Variants in PLS1 observed in about 807,000 individuals in gnomAD.
PLS1 encodes plastin 1.
Under a neutral mutation model 73.7 loss-of-function variants are expected in PLS1, and 32 were observed. That is an observed-to-expected ratio of 0.43 (90% CI 0.33 to 0.58). The LOEUF (loss-of-function observed/expected upper bound fraction) is 0.58, where lower values mean the gene tolerates loss of function less well. Among genes scored for constraint, PLS1 ranks in the 20% least tolerant of loss-of-function variants. The probability of loss-of-function intolerance (pLI) is 0.04; values close to 1 mark genes in which losing one functional copy is unlikely to be tolerated. For missense variants in PLS1, 633 were observed against 740.5 expected (o/e 0.85, Z 1.68); for synonymous variants, 217 against 261.3 (o/e 0.83, Z 1.63).
chr3:142,669,607 T>C, intron 3 of PLS1, 54 bp downstream of exon 3: 1 of 1,276,658 alleles, frequency 7.8e-7, no homozygotes, highest in Non-Finnish European at 1.1e-6. Flanking sequence ...AGCAGAATTG[T>C]AGTAATGTCA....
At chr3:142,685,041 A>G (rs60345271) in intron 8 of PLS1, among the ~76,000 whole-genome samples, 6,500 of 148,536 alleles carry the variant, frequency 0.044, 448 homozygotes, top group African/African-American at 0.15. Flanking sequence ...CCCCAAGAGT[A>G]ATCAGTGCTG....
intron 1 of PLS1, among the ~76,000 whole-genome samples, chr3:142,659,689 GTTGTT>G (rs2037323949): frequency 1.4e-5 from 2 of 142,494 alleles, no homozygotes; most frequent in African/African-American, 2.6e-5. Flanking sequence ...TTTTTTTGTT[GTTGTT>G]TTGTTTTGTT....
chr3:142,598,988 A>G (rs2035862510), intron 1 of PLS1, among the ~76,000 whole-genome samples: 1 of 151,780 alleles, frequency 6.6e-6, no homozygotes, highest in Non-Finnish European at 1.5e-5. Context: ...GCGACAGTGC[A>G]AGACTGCATC....
chr3:142,659,075 A>G (rs1170211808), intron 1 of PLS1, among the ~76,000 whole-genome samples: 2 of 152,242 alleles, frequency 1.3e-5, no homozygotes, highest in Non-Finnish European at 2.9e-5. Context: ...ATAAATGCGT[A>G]GTGAGCTCAT....
intron 10 of PLS1, among the ~76,000 whole-genome samples, chr3:142,692,458 G>A (rs1275258686): frequency 6.6e-6 from 1 of 152,042 alleles, no homozygotes; most frequent in Admixed American, 6.6e-5. Flanking sequence ...TCTTTGTAAT[G>A]CTTTACCATG....
chr3:142,612,225 A>G (rs557166783), intron 1 of PLS1, among the ~76,000 whole-genome samples: 24 of 152,304 alleles, frequency 1.6e-4, no homozygotes, highest in Non-Finnish European at 3.1e-4. Flanking sequence ...AAGATGATCA[A>G]CTCCAACTCT....
chr3:142,686,448 T>G lies in PLS1; in HGVS notation c.981+72T>G, dbSNP rs2037967909. On this transcript the variant is annotated intron_variant, in intron 9 of 15. Transcript: ENST00000457734. ...GTAGAAAATTTACCATTTTTATCAT[T>G]TTCAGTGTTCAGTTCAGTGGCATTC... The G allele has an allele frequency of 1.6e-5, 15 of 920,620 alleles. No individual in the cohort carries two copies. The Admixed American group carries it at 2.6e-4, about 16-fold the overall frequency. 57.0% of individuals were successfully genotyped at this position (920,620 alleles called of 1,614,324 possible).
chr3:142,679,473 GT>G (rs1485785412), intron 6 of PLS1, among the ~76,000 whole-genome samples: 1 of 151,968 alleles, frequency 6.6e-6, no homozygotes, highest in East Asian at 1.9e-4. Context: ...AAGGGATCCA[GT>G]TTCAGCTTTC....
At chr3:142,709,976 A>G (rs759799330) in intron 14 of PLS1, among the ~76,000 whole-genome samples, 7 of 152,112 alleles carry the variant, frequency 4.6e-5, no homozygotes, top group Non-Finnish European at 7.4e-5. Flanking sequence ...ATACCACCTC[A>G]GTATTCCTAA....
intron 1 of PLS1, among the ~76,000 whole-genome samples, chr3:142,653,750 C>T (rs571915078): frequency 6.6e-6 from 1 of 151,968 alleles, no homozygotes; most frequent in Non-Finnish European, 1.5e-5. Context: ...AAAAGAGACC[C>T]CTTTATATCC....
At chr3:142,624,194 T>C (rs2036372570) in intron 1 of PLS1, among the ~76,000 whole-genome samples, 1 of 152,312 alleles carries the variant, frequency 6.6e-6, no homozygotes, top group African/African-American at 2.4e-5. Flanking sequence ...TTTATCATTA[T>C]ATTTGTTCTT....
At chr3:142,656,199 T>G (rs955213122) in intron 1 of PLS1, among the ~76,000 whole-genome samples, 8 of 152,186 alleles carry the variant, frequency 5.3e-5, no homozygotes, top group Non-Finnish European at 8.8e-5. Context: ...TGACCTCAAG[T>G]GATCTGCCTG....
At chr3:142,683,161 C>T (rs945284379) in intron 6 of PLS1, among the ~76,000 whole-genome samples, 3 of 152,274 alleles carry the variant, frequency 2.0e-5, no homozygotes, top group African/African-American at 4.8e-5. Context: ...ATTAAATTGT[C>T]GCTATTACTG....
chr3:142,639,796 ATAAATGAATGAATT>A (rs1289318679), intron 1 of PLS1, among the ~76,000 whole-genome samples: 1 of 152,248 alleles, frequency 6.6e-6, no homozygotes, highest in Non-Finnish European at 1.5e-5. Context: ...GGCTGGATGA[ATAAATGAATGAATT>A]TAAACTTTCT....
chr3:142,654,925 C>T (rs2107801920), intron 1 of PLS1: 1 of 152,182 alleles, frequency 6.6e-6, no homozygotes, highest in Non-Finnish European at 1.5e-5. Context: ...CCTTTGTTAT[C>T]TAGTACTCCT....
chr3:142,640,218 T>C (rs1560043641), intron 1 of PLS1, among the ~76,000 whole-genome samples: 1 of 152,230 alleles, frequency 6.6e-6, no homozygotes, highest in Admixed American at 6.5e-5. Context: ...TTCACTTCTC[T>C]GAAGGTATGG....
rs576198796 is a variant in PLS1, at chr3:142,617,222, C to A, written c.-37+20713C>A. 3.3e-5 allele frequency among the ~76,000 whole-genome samples: 5 copies of A among 151,926 alleles called. No individual in the cohort carries two copies. The South Asian group carries it at 1.0e-3, about 32-fold the overall frequency. ...TTATGCCCCCTTGGGTACATACAGC[C>A]TTAACTAGACATGGATGCCAGCCTC... On this transcript the variant is annotated intron_variant, in intron 1 of 15. Transcript: ENST00000457734.
intron 2 of PLS1, among the ~76,000 whole-genome samples, chr3:142,665,466 GA>G (rs1322098044): frequency 6.6e-6 from 1 of 152,100 alleles, no homozygotes; most frequent in Non-Finnish European, 1.5e-5. Context: ...ATGATTTTCA[GA>G]AAACAATCAT....
intron 1 of PLS1, among the ~76,000 whole-genome samples, chr3:142,596,847 C>A (rs1258284218): frequency 6.6e-6 from 1 of 152,112 alleles, no homozygotes; most frequent in Non-Finnish European, 1.5e-5. Flanking sequence ...CTTTCTGAAC[C>A]AGCCTGTTTT....
Sources: gnomAD v4.1 joint callset for allele counts (sites outside exome capture counted in the v4.1 genomes callset) on GRCh38, gnomAD v4.1.1 for gene constraint, MANE v1.5 for transcripts, NCBI Gene and HGNC (gene_info 2026-07-23, HGNC 2026-07-21) for gene names.